CTNNA3: variants seen among roughly 807,000 people sequenced by gnomAD.
The protein encoded by CTNNA3 is catenin alpha 3.
Under a neutral mutation model 95.7 loss-of-function variants are expected in CTNNA3, and 76 were observed. The observed-to-expected ratio is 0.79, with a 90% CI of 0.66 to 0.96. CTNNA3 has a LOEUF of 0.96. Ranked by LOEUF, CTNNA3 falls within the 40% of genes least tolerant of loss-of-function variation. The pLI, the probability that CTNNA3 is intolerant of heterozygous loss-of-function variation, is 0.00. For missense variants in CTNNA3, 1,191 were observed against 1,089.8 expected (o/e 1.09, Z -1.31); for synonymous variants, 431 against 374.4 (o/e 1.15, Z -1.74).
At chr10:67,377,551 T>C (rs1843741634) in intron 5 of CTNNA3, among the ~76,000 whole-genome samples, 1 of 152,200 alleles carries the variant, frequency 6.6e-6, no homozygotes, top group South Asian at 2.1e-4. Context: ...TGGGGATAAA[T>C]TGTTTTAAAT....
chr10:66,856,939 T>C (rs1251421411), intron 7 of CTNNA3, among the ~76,000 whole-genome samples: 1 of 152,146 alleles, frequency 6.6e-6, no homozygotes, highest in African/African-American at 2.4e-5. Context: ...TTTTATTTTG[T>C]TGCAATTGCT....
chr10:66,193,345 G>A (rs1256568035), intron 13 of CTNNA3, among the ~76,000 whole-genome samples: 1 of 152,120 alleles, frequency 6.6e-6, no homozygotes, highest in East Asian at 1.9e-4. Context: ...CCATAAGACT[G>A]TGGTGTTGTG....
chr10:67,243,965 T>C (rs570939547), intron 5 of CTNNA3, among the ~76,000 whole-genome samples: 30 of 152,338 alleles, frequency 2.0e-4, no homozygotes, highest in African/African-American at 6.7e-4. Context: ...GCATAGGAAC[T>C]AGCTGAGAGT....
rs148776337 is a variant in CTNNA3 at position 66,585,307 on chromosome 10, C to T, written c.1374+36385G>A. Among the ~76,000 whole-genome samples the T allele has an allele frequency of 1.7e-3, 265 of 152,042 alleles. 6 individuals are homozygous for T. The East Asian group carries it at 0.022, about 12-fold the overall frequency. On this transcript the variant is annotated intron_variant, in intron 10 of 17. Coordinates refer to ENST00000433211, the MANE Select transcript of CTNNA3 (RefSeq NM_013266.4). The stretch of plus-strand genomic sequence containing the variant: ...TTTGAAATTTTTGCTACGTTTTTCT[C>T]CCTCAGGAATATCTACAATTCTTAT...
chr10:67,604,422 C>T (rs115976318), intron 3 of CTNNA3, among the ~76,000 whole-genome samples: 3,004 of 152,228 alleles, frequency 0.02, 101 homozygotes, highest in African/African-American at 0.069. Context: ...GATAGTCCCC[C>T]TGATCCTCCA....
At chr10:66,598,742 T>A (rs1188764949) in intron 10 of CTNNA3, among the ~76,000 whole-genome samples, 1 of 151,816 alleles carries the variant, frequency 6.6e-6, no homozygotes, top group East Asian at 1.9e-4. Context: ...ATGAAAGAAA[T>A]TTAAGAAGAT....
intron 5 of CTNNA3, among the ~76,000 whole-genome samples, chr10:67,398,375 C>A (rs899752700): frequency 6.6e-6 from 1 of 152,180 alleles, no homozygotes; most frequent in Non-Finnish European, 1.5e-5. Context: ...GGGCCTGTAG[C>A]CCCTTTGTTT....
intron 15 of CTNNA3, among the ~76,000 whole-genome samples, chr10:66,069,064 G>A (rs1479525136): frequency 1.3e-5 from 2 of 152,108 alleles, no homozygotes; most frequent in Non-Finnish European, 2.9e-5. Flanking sequence ...CCTGGGGAAG[G>A]GGAAGGTGAG....
chr10:67,078,339 C>A (rs184696628), intron 7 of CTNNA3, among the ~76,000 whole-genome samples: 320 of 152,160 alleles, frequency 2.1e-3, no homozygotes, highest in Middle Eastern at 3.4e-3. Flanking sequence ...CCCTAAAGCA[C>A]AATTGCTCTA....
At chr10:66,697,267 G>T in intron 9 of CTNNA3, among the ~76,000 whole-genome samples, 1 of 148,706 alleles carries the variant, frequency 6.7e-6, no homozygotes, top group African/African-American at 2.5e-5. Flanking sequence ...TATATATATA[G>T]ATATATAGAT....
intron 7 of CTNNA3, among the ~76,000 whole-genome samples, chr10:66,878,420 G>T (rs1422679286): frequency 6.6e-6 from 1 of 152,092 alleles, no homozygotes; most frequent in Non-Finnish European, 1.5e-5. Flanking sequence ...CAAAACGTTT[G>T]TAAATTCCAT....
chr10:66,980,455 T>C (rs1564809834), intron 7 of CTNNA3, among the ~76,000 whole-genome samples: 1 of 150,604 alleles, frequency 6.6e-6, no homozygotes, highest in Non-Finnish European at 1.5e-5. Flanking sequence ...CCTTTTCTGT[T>C]TCCCAAGCAA....
intron 11 of CTNNA3, 36 bp downstream of exon 11, chr10:66,520,581 A>G (rs751610115): frequency 7.7e-6 from 12 of 1,563,906 alleles, no homozygotes; most frequent in Non-Finnish European, 1.0e-5. Flanking sequence ...AAAATTGACA[A>G]GAGAAAATAA....
chr10:66,523,586 T>C (rs1176142832), intron 10 of CTNNA3, among the ~76,000 whole-genome samples: 2 of 152,332 alleles, frequency 1.3e-5, no homozygotes, highest in East Asian at 3.9e-4. Context: ...TAAAGCTTTT[T>C]TTTAAAATGA....
At chr10:66,171,090 G>C (rs980968698) in intron 13 of CTNNA3, among the ~76,000 whole-genome samples, 2 of 151,978 alleles carry the variant, frequency 1.3e-5, no homozygotes, top group Non-Finnish European at 2.9e-5. Flanking sequence ...CCGAGATGGA[G>C]CCACTGCACT....
intron 7 of CTNNA3, among the ~76,000 whole-genome samples, chr10:67,121,981 CAAAAAA>C (rs370358378): frequency 0.027 from 1,256 of 47,044 alleles, 16 homozygotes; most frequent in African/African-American, 0.081. Context: ...TTATTCTGAG[CAAAAAA>C]AAAAAAAAAA....
intron 11 of CTNNA3, among the ~76,000 whole-genome samples, chr10:66,475,551 A>G (rs373602143): frequency 2.7e-4 from 41 of 152,202 alleles, no homozygotes; most frequent in African/African-American, 8.9e-4. Flanking sequence ...AAGTGAGCAA[A>G]GGACATGAAC....
At chr10:67,738,794 T>C (rs1427928162) in intron 1 of CTNNA3, among the ~76,000 whole-genome samples, 1 of 151,768 alleles carries the variant, frequency 6.6e-6, no homozygotes, top group Non-Finnish European at 1.5e-5. Flanking sequence ...ACATAACGAA[T>C]GCACAAGCCT....
At chr10:66,791,737 AG>A (rs1452628118) in intron 7 of CTNNA3, among the ~76,000 whole-genome samples, 1 of 152,196 alleles carries the variant, frequency 6.6e-6, no homozygotes, top group Non-Finnish European at 1.5e-5. Context: ...TGAATCAGTT[AG>A]TGAATTAATT....
Sources: allele counts gnomAD v4.1 joint callset (sites outside exome capture counted in the v4.1 genomes callset), GRCh38; gene constraint gnomAD v4.1.1; transcripts MANE v1.5; gene names NCBI Gene and HGNC (gene_info 2026-07-23, HGNC 2026-07-21).